GBE1: variants seen among roughly 807,000 people sequenced by gnomAD.
The protein encoded by GBE1 is 1,4-alpha-glucan-branching enzyme.
GBE1 carries 70 observed loss-of-function variants against 88.8 expected under a neutral mutation model. The observed-to-expected ratio is 0.79, with a 90% CI of 0.65 to 0.96. GBE1 has a LOEUF of 0.96. Ranked by LOEUF, GBE1 falls within the 40% of genes least tolerant of loss-of-function variation. The pLI is 0.00. For synonymous variants in GBE1, 284 were observed against 300.1 expected (o/e 0.95, Z 0.56); for missense variants, 872 against 871.0 (o/e 1.00, Z -0.01).
chr3:81,714,269 T>C (rs558960385), intron 1 of GBE1, among the ~76,000 whole-genome samples: 50 of 152,306 alleles, frequency 3.3e-4, no homozygotes, highest in Middle Eastern at 3.4e-3. Flanking sequence ...GGTGAGAAAA[T>C]GGTTAGAGTT....
rs756753229 is a variant in GBE1, at chr3:81,499,227, T to A, written c.1935A>T (p.Lys645Asn). Residue 645 changes from lysine (K) to asparagine (N), a missense_variant and splice_region_variant, in exon 15 of 16, where the codon AAA (lysine) becomes AAT (asparagine). Physicochemically the swap from Lys to Asn is moderately conservative, Grantham distance 94 (BLOSUM62 0). Transcript: ENST00000429644. ...CATCTGAATCTAGCACAATTTTGAA[T>A]GTACAGCTCTTAAGGAATTCACAAC... Reference protein sequence around the residue: ...DYRVGTALPGKFKIVLDSDAA... With the variant: ...DYRVGTALPGNFKIVLDSDAA... The A allele has an allele frequency of 8.3e-6, 13 of 1,561,180 alleles. No individual in the cohort carries two copies. In the East Asian group the frequency reaches 2.2e-4, roughly 27 times the overall value.
chr3:81,509,325 T>G (rs1702694304), intron 14 of GBE1, among the ~76,000 whole-genome samples: 1 of 149,852 alleles, frequency 6.7e-6, no homozygotes, highest in Non-Finnish European at 1.5e-5. Flanking sequence ...AAAAAGAAGG[T>G]ACTTCTCAAG....
intron 1 of GBE1, among the ~76,000 whole-genome samples, chr3:81,716,692 C>T: frequency 6.6e-6 from 1 of 152,000 alleles, no homozygotes; most frequent in East Asian, 1.9e-4. Context: ...ACTATAAAGC[C>T]ATTAATGTAA....
At chr3:81,491,709 G>C (rs1262640557) in intron 15 of GBE1, among the ~76,000 whole-genome samples, 1 of 151,910 alleles carries the variant, frequency 6.6e-6, no homozygotes, top group Admixed American at 6.6e-5. Flanking sequence ...CTAAATGAAA[G>C]CTTGCCTGAT....
At chr3:81,726,398 C>G (rs940050712) in intron 1 of GBE1, among the ~76,000 whole-genome samples, 2 of 151,940 alleles carry the variant, frequency 1.3e-5, no homozygotes, top group South Asian at 4.1e-4. Context: ...GTTATTGAAA[C>G]AAACAGTAAT....
At chr3:81,587,498 T>C (rs147441537) in intron 9 of GBE1, among the ~76,000 whole-genome samples, 1 of 152,262 alleles carries the variant, frequency 6.6e-6, no homozygotes, top group East Asian at 1.9e-4. Flanking sequence ...ATTACTGCCC[T>C]TCAATGGATT....
intron 7 of GBE1, among the ~76,000 whole-genome samples, chr3:81,629,320 T>C (rs1052763285): frequency 3.3e-5 from 5 of 151,176 alleles, no homozygotes; most frequent in Non-Finnish European, 7.4e-5. Flanking sequence ...AGAATGATGG[T>C]TTCCAATTTC....
At chr3:81,748,807 G>A (rs1027943905) in intron 1 of GBE1, among the ~76,000 whole-genome samples, 2 of 150,878 alleles carry the variant, frequency 1.3e-5, no homozygotes, top group Admixed American at 1.3e-4. Flanking sequence ...AAGAGATCGA[G>A]ACCATCCTGG....
At chr3:81,523,674 A>T (rs1403994850) in intron 14 of GBE1, among the ~76,000 whole-genome samples, 4 of 151,598 alleles carry the variant, frequency 2.6e-5, no homozygotes, top group African/African-American at 9.7e-5. Flanking sequence ...TCTGGTAACC[A>T]TCCTTCTACT....
At chr3:81,729,396 G>C (rs1191242370) in intron 1 of GBE1, among the ~76,000 whole-genome samples, 2 of 152,146 alleles carry the variant, frequency 1.3e-5, no homozygotes, top group Non-Finnish European at 2.9e-5. Flanking sequence ...TAAGCTAGGA[G>C]TGAATTGTAA....
chr3:81,738,523 T>A lies in GBE1; in HGVS notation c.143+22852A>T, dbSNP rs1047818550. Among the ~76,000 whole-genome samples, 12 of 151,094 alleles carry A rather than the reference T, an allele frequency of 7.9e-5. No individual in the cohort carries two copies. The East Asian group carries it at 2.3e-3, about 29-fold the overall frequency. On this transcript the variant is annotated intron_variant, in intron 1 of 15. Coordinates refer to ENST00000429644, the MANE Select transcript of GBE1 (RefSeq NM_000158.4). ...GGCCAGTGATGGTGAGCAAAAAATG[T>A]GTGTTTTTTTTTTAAAAAAAAAGAC...
intron 1 of GBE1, among the ~76,000 whole-genome samples, chr3:81,749,005 C>CAAAAAA (rs34051030): frequency 9.3e-6 from 1 of 108,086 alleles, no homozygotes; most frequent in Admixed American, 9.6e-5. Context: ...GACTCTGTCT[C>CAAAAAA]AAAAAAAAAA....
chr3:81,703,889 A>G (rs879855822), intron 2 of GBE1, among the ~76,000 whole-genome samples: 1 of 152,062 alleles, frequency 6.6e-6, no homozygotes, highest in Non-Finnish European at 1.5e-5. Context: ...GATTGAAAGT[A>G]TAAGGGAAGA....
intron 1 of GBE1, among the ~76,000 whole-genome samples, chr3:81,760,621 T>C (rs1397252967): frequency 6.6e-6 from 1 of 152,228 alleles, no homozygotes; most frequent in Non-Finnish European, 1.5e-5. Flanking sequence ...ACCTTTTTAG[T>C]GGAACTTATG....
chr3:81,700,707 A>T (rs571901248), intron 2 of GBE1, among the ~76,000 whole-genome samples: 1 of 152,266 alleles, frequency 6.6e-6, no homozygotes, highest in South Asian at 2.1e-4. Flanking sequence ...AAAATTATAG[A>T]CAAAACTGGC....
intron 1 of GBE1, among the ~76,000 whole-genome samples, chr3:81,754,623 C>G (rs1575779542): frequency 6.6e-6 from 1 of 151,308 alleles, no homozygotes; most frequent in African/African-American, 2.4e-5. Flanking sequence ...GGCATAAAAA[C>G]AGACACATAG....
intron 3 of GBE1, among the ~76,000 whole-genome samples, chr3:81,652,537 A>G (rs1301708772): frequency 6.6e-6 from 1 of 152,106 alleles, no homozygotes; most frequent in Non-Finnish European, 1.5e-5. Context: ...TCTCTTATTC[A>G]TGGAATTGCA....
intron 3 of GBE1, among the ~76,000 whole-genome samples, chr3:81,653,693 G>A (rs929134110): frequency 1.3e-5 from 2 of 152,060 alleles, no homozygotes; most frequent in African/African-American, 4.8e-5. Context: ...CATATTAAAG[G>A]TTGCAGAAAA....
intron 1 of GBE1, among the ~76,000 whole-genome samples, chr3:81,750,593 A>ATATATATG (rs767392965): frequency 1.7e-5 from 1 of 60,454 alleles, no homozygotes; most frequent in African/African-American, 8.7e-5. Flanking sequence ...ATATACGTAT[A>ATATATATG]TATATATGTG....
Sources: gnomAD v4.1 joint callset for allele counts (sites outside exome capture counted in the v4.1 genomes callset) on GRCh38, gnomAD v4.1.1 for gene constraint, MANE v1.5 for transcripts, NCBI Gene and HGNC (gene_info 2026-07-23, HGNC 2026-07-21) for gene names.